ESPNL: variants seen among roughly 807,000 people sequenced by gnomAD.
ESPNL encodes the protein espin-like protein.
ESPNL carries 49 observed loss-of-function variants against 46.8 expected under a neutral mutation model. The observed-to-expected ratio is 1.05, with a 90% confidence interval of 0.83 to 1.33. The LOEUF (loss-of-function observed/expected upper bound fraction) is 1.33. Among genes scored for constraint, ESPNL ranks in the 40% most tolerant of loss-of-function variants. The pLI, the probability that ESPNL is intolerant of heterozygous loss-of-function variation, is 0.00. For synonymous variants in ESPNL, 664 were observed against 662.1 expected (o/e 1.00, Z -0.04); for missense variants, 1,540 against 1,436.6 (o/e 1.07, Z -1.16).
intron 7 of ESPNL, 85 bp downstream of exon 7, chr2:238,127,819 C>G (rs957579501): frequency 9.7e-7 from 1 of 1,029,262 alleles, no homozygotes; most frequent in Admixed American, 2.3e-5. Flanking sequence ...AGAGAAGCCC[C>G]CAGCACAGCC....
Position 238,100,547 on chromosome 2 carries a change from C to T in ESPNL, c.128C>T (p.Ala43Val). Reference protein sequence around the residue: ...DALGAGLVHHATRAGHLDCVK... With the variant: ...DALGAGLVHHVTRAGHLDCVK... ...CTGGGGGCCGGCCTGGTTCACCACG[C>T]CACCCGGGCTGGCCACCTGGACTGC... Residue 43 changes from alanine (A) to valine (V), a missense_variant, in exon 1 of 9, where the codon GCC becomes GTC. By Grantham distance (64) the Ala-to-Val change is moderately conservative. Coordinates refer to ENST00000343063, the MANE Select transcript of ESPNL (RefSeq NM_194312.4). 6.3e-7 allele frequency: 1 copy of T among 1,592,322 alleles called. No individual in the cohort carries two copies. The highest frequency in any genetic ancestry group is 2.3e-5 in the East Asian group (1 of 44,054).
rs780873806 is a variant in ESPNL at position 238,101,930 on chromosome 2, G to A, written c.295-11G>A. 1.9e-5 allele frequency: 31 copies of A among 1,602,116 alleles called. No individual in the cohort carries two copies. The highest frequency in any genetic ancestry group is 2.6e-5 in the Non-Finnish European group (31 of 1,176,558). ...TACCCCCCACTCACTGACCTACCCG[G>A]GGCTTGGTAGGACCAAGATGCCTCG... On this transcript the variant is annotated splice_polypyrimidine_tract_variant and intron_variant, in intron 1 of 8. Transcript: ENST00000343063.
At chr2:238,127,560 G>A in intron 6 of ESPNL, 62 bp from the exon 7 acceptor site, 1 of 1,506,004 alleles carries the variant, frequency 6.6e-7, no homozygotes, top group Non-Finnish European at 8.9e-7. Context: ...GGATCCCCGA[G>A]GCTCTGGGTC....
At chr2:238,115,087 T>G (rs1691788326) in intron 4 of ESPNL, among the ~76,000 whole-genome samples, 1 of 151,884 alleles carries the variant, frequency 6.6e-6, no homozygotes, top group Non-Finnish European at 1.5e-5. Context: ...TGGTTCTGGC[T>G]CTGGTCTTGT....
At chr2:238,120,538 G>A (rs946408031) in intron 5 of ESPNL, among the ~76,000 whole-genome samples, 7 of 152,254 alleles carry the variant, frequency 4.6e-5, no homozygotes, top group African/African-American at 7.2e-5. Context: ...TGTTAGGCTC[G>A]CCACGTCCTT....
chr2:238,105,684 G>A (rs2106465042), intron 3 of ESPNL, among the ~76,000 whole-genome samples: 1 of 152,254 alleles, frequency 6.6e-6, no homozygotes, highest in Middle Eastern at 3.4e-3. Flanking sequence ...GGGGCCCGGG[G>A]GCGGGCAGGA....
rs1455058291 is a variant in ESPNL, at chr2:238,100,464, G to A, written c.45G>A (p.Val15=). The part of the protein sequence containing the change: ...RALVAAKDGD[V]ATLERLLEAG... ...TCGTGGCCGCCAAGGATGGGGATGT[G>A]GCGACGTTGGAGCGGCTGCTGGAGG... Residue 15 remains valine (V), a synonymous_variant, in exon 1 of 9, where the codon GTG becomes GTA. Transcript: ENST00000343063. 2 of 1,605,260 alleles carry A rather than the reference G, an allele frequency of 1.2e-6. No individual in the cohort carries two copies. The highest frequency in any genetic ancestry group is 1.7e-6 in the Non-Finnish European group (2 of 1,177,920).
chr2:238,128,626 C>A (rs1692197262), intron 7 of ESPNL, 81 bp from the exon 8 acceptor site: 2 of 1,408,598 alleles, frequency 1.4e-6, no homozygotes, highest in Non-Finnish European at 1.9e-6. Context: ...CGGAGCCAAC[C>A]CCCCACGTCC....
intron 8 of ESPNL, among the ~76,000 whole-genome samples, chr2:238,129,446 C>CGGGGGAGGAGCA (rs1355516200): frequency 4.3e-4 from 65 of 152,074 alleles, no homozygotes; most frequent in Admixed American, 4.0e-3. Context: ...CCGGGCTGGC[C>CGGGGGAGGAGCA]GGGGGAGGAG....
At chr2:238,127,324 G>T in intron 6 of ESPNL, 1 of 1,210,744 alleles carries the variant, frequency 8.3e-7, no homozygotes. Flanking sequence ...GCAGAGCTGC[G>T]TTAGGGGCGG....
chr2:238,116,459 A>G (rs1350906925), intron 4 of ESPNL, among the ~76,000 whole-genome samples: 1 of 152,212 alleles, frequency 6.6e-6, no homozygotes, highest in Non-Finnish European at 1.5e-5. Context: ...GGATGGTCCC[A>G]CGGAGAGTGG....
chr2:238,130,275 C>G lies in ESPNL; in HGVS notation c.1561C>G (p.Arg521Gly), dbSNP rs775011985. ...EKQIADLQLRRRCQEYESELG... is the reference protein window; with the variant it reads ...EKQIADLQLRGRCQEYESELG... Reference sequence around the variant, plus strand: ...GCAGATTGCAGACCTGCAGCTTCGGCGCCGCTGTCAGGAGTATGAGAGTGA... The same window carrying G: ...GCAGATTGCAGACCTGCAGCTTCGGGGCCGCTGTCAGGAGTATGAGAGTGA... The change falls in exon 9 of 9, where the codon CGC becomes GGC. Residue 521 changes from arginine (R) to glycine (G), a missense_variant. Arg to Gly is a moderately radical substitution (Grantham distance 125). Transcript: ENST00000343063. The G allele has an allele frequency of 1.2e-6, 2 of 1,607,258 alleles. No individual in the cohort carries two copies. Among genetic ancestry groups the G allele is most frequent in the Non-Finnish European group, 1.7e-6 (2 of 1,177,440 alleles).
intron 4 of ESPNL, among the ~76,000 whole-genome samples, chr2:238,109,622 G>T (rs551601550): frequency 5.3e-5 from 8 of 152,380 alleles, no homozygotes; most frequent in South Asian, 2.1e-4. Flanking sequence ...CTTCCAAAGT[G>T]CTGGGATGAC....
In ESPNL at chr2:238,108,807, G is replaced by C. The variant is rs115559211; in HGVS notation, c.855+834G>C. 1.6e-3 allele frequency among the ~76,000 whole-genome samples: 237 copies of C among 152,326 alleles called. 1 individual carries two copies. Among genetic ancestry groups the C allele is most frequent in the African/African-American group, 5.5e-3 (228 of 41,562 alleles). ...CCAGCTAGAACCCAAGGTCTTCCTG[G>C]GGCCCCGGGTCACCCAGTCTCAGCA... is the stretch of plus-strand genomic sequence containing the variant. On this transcript the variant is annotated intron_variant, in intron 4 of 8. Coordinates refer to ENST00000343063, the MANE Select transcript of ESPNL (RefSeq NM_194312.4).
chr2:238,119,486 G>A (rs1353951528), intron 5 of ESPNL, among the ~76,000 whole-genome samples: 7 of 144,070 alleles, frequency 4.9e-5, no homozygotes, highest in African/African-American at 1.0e-4. Flanking sequence ...GGAGGAGGTG[G>A]ATGGAGGAGG....
chr2:238,113,839 G>A (rs1269873745), intron 4 of ESPNL, among the ~76,000 whole-genome samples: 1 of 152,146 alleles, frequency 6.6e-6, no homozygotes, highest in Non-Finnish European at 1.5e-5. Flanking sequence ...GAGGCTGCGG[G>A]AGGACGGCAC....
intron 5 of ESPNL, among the ~76,000 whole-genome samples, chr2:238,122,469 C>T (rs375702287): frequency 5.9e-5 from 9 of 152,272 alleles, no homozygotes; most frequent in African/African-American, 1.9e-4. Flanking sequence ...GGGTGGCGTC[C>T]CGGGCTTCTC....
chr2:238,125,450 C>G (rs1692084546), intron 6 of ESPNL, 66 bp downstream of exon 6: 1 of 952,126 alleles, frequency 1.1e-6, no homozygotes, highest in Non-Finnish European at 1.5e-6. Context: ...ACTGGCCTCC[C>G]CTCCGAGGTC....
chr2:238,127,926 G>C (rs1315960460), intron 7 of ESPNL, among the ~76,000 whole-genome samples, 192 bp downstream of exon 7: 1 of 152,128 alleles, frequency 6.6e-6, no homozygotes, highest in East Asian at 1.9e-4. Flanking sequence ...TCAGGGCGAC[G>C]GCAGCTGTCC....
Sources: allele counts gnomAD v4.1 joint callset (sites outside exome capture counted in the v4.1 genomes callset), GRCh38; gene constraint gnomAD v4.1.1; transcripts MANE v1.5; gene names NCBI Gene and HGNC (gene_info 2026-07-23, HGNC 2026-07-21).